Variants in TAFA5 observed in about 807,000 individuals in gnomAD.
The protein encoded by TAFA5 is TAFA chemokine like family member 5.
In TAFA5, 6 loss-of-function variants were observed where a neutral mutation model predicts 15.3. That is an observed-to-expected ratio of 0.39 (90% confidence interval 0.21 to 0.77). The LOEUF (loss-of-function observed/expected upper bound fraction) is 0.77. Ranked by LOEUF, TAFA5 falls within the 30% of genes least tolerant of loss-of-function variation. The pLI, the probability that TAFA5 is intolerant of heterozygous loss-of-function variation, is 0.41. For synonymous variants in TAFA5, 103 were observed against 80.7 expected (o/e 1.28, Z -1.48); for missense variants, 161 against 193.1 (o/e 0.83, Z 0.98).
intron 1 of TAFA5, among the ~76,000 whole-genome samples, chr22:48,531,777 C>T (rs1457678577): frequency 6.6e-6 from 1 of 152,196 alleles, no homozygotes; most frequent in East Asian, 1.9e-4. Context: ...GGACTGCACT[C>T]TCTAATCCTG....
Position 48,612,113 on chromosome 22 carries a change from G to A in TAFA5, c.113-34484G>A, listed in dbSNP as rs551658858. 7.2e-5 allele frequency among the ~76,000 whole-genome samples: 11 copies of A among 152,268 alleles called. No homozygotes were observed. In the South Asian group the frequency reaches 8.3e-4, roughly 11 times the overall value. ...GGTCAGGGCCAGAATTCCAGGGTGC[G>A]TCTATGCAGGTGCAGGAGCCCTGTG... On this transcript the variant is annotated intron_variant, in intron 1 of 3. Transcript: ENST00000402357.
At chr22:48,522,608 C>T (rs1422349523) in intron 1 of TAFA5, among the ~76,000 whole-genome samples, 1 of 152,190 alleles carries the variant, frequency 6.6e-6, no homozygotes, top group Admixed American at 6.5e-5. Flanking sequence ...GAAGCCCTCC[C>T]CAGGCACAGG....
chr22:48,726,887 G>T (rs1035662785), intron 3 of TAFA5, among the ~76,000 whole-genome samples: 1 of 152,158 alleles, frequency 6.6e-6, no homozygotes, highest in Non-Finnish European at 1.5e-5. Context: ...TCCATAGGAC[G>T]GGCTGGGGGC....
intron 1 of TAFA5, among the ~76,000 whole-genome samples, chr22:48,504,358 T>A (rs1601837686): frequency 6.6e-6 from 1 of 152,072 alleles, no homozygotes; most frequent in Non-Finnish European, 1.5e-5. Flanking sequence ...GCCCTCCCCA[T>A]GGGGGCGCTG....
chr22:48,630,741 C>A (rs920656474), intron 1 of TAFA5, among the ~76,000 whole-genome samples: 1 of 152,188 alleles, frequency 6.6e-6, no homozygotes, highest in Non-Finnish European at 1.5e-5. Flanking sequence ...GGCCCTGAAT[C>A]ACGGGGGCGA....
intron 1 of TAFA5, among the ~76,000 whole-genome samples, chr22:48,522,445 G>T (rs1440586752): frequency 6.6e-6 from 1 of 152,106 alleles, no homozygotes; most frequent in African/African-American, 2.4e-5. Context: ...TGTCCTTAGA[G>T]TCTCCCTCCC....
chr22:48,670,656 A>G (rs932687333), intron 2 of TAFA5, among the ~76,000 whole-genome samples: 2 of 152,244 alleles, frequency 1.3e-5, no homozygotes, highest in African/African-American at 4.8e-5. Flanking sequence ...TGCAGCAGAG[A>G]CAGGATTTAG....
chr22:48,552,971 A>G lies in TAFA5; in HGVS notation c.112+63267A>G, dbSNP rs1009216883. ...CTGATCTGAGGGGGGCTCGTCCCCA[A>G]CCACCTGGTCACAGGCAGAGATTGG... On this transcript the variant is annotated intron_variant, in intron 1 of 3. Coordinates refer to ENST00000402357, the MANE Select transcript of TAFA5 (RefSeq NM_001082967.3). The surrounding 1 kb of genome is among the most constrained non-coding windows in gnomAD (Gnocchi z 4.1). Among the ~76,000 whole-genome samples, 1 of 152,130 alleles carries G rather than the reference A, an allele frequency of 6.6e-6. No individual in the cohort carries two copies.
intron 3 of TAFA5, among the ~76,000 whole-genome samples, chr22:48,711,150 C>G (rs975503185): frequency 1.3e-5 from 2 of 152,156 alleles, no homozygotes; most frequent in South Asian, 4.1e-4. Flanking sequence ...GCAGGACACT[C>G]CGTCATCCAG....
chr22:48,739,185 A>G (rs1307501405), intron 3 of TAFA5, among the ~76,000 whole-genome samples: 2 of 152,220 alleles, frequency 1.3e-5, no homozygotes, highest in Non-Finnish European at 2.9e-5. Flanking sequence ...TCAAAGACCC[A>G]AAGATAGCTA....
intron 1 of TAFA5, among the ~76,000 whole-genome samples, chr22:48,582,450 TACC>T (rs1924091698): frequency 1.0e-4 from 5 of 48,448 alleles, no homozygotes; most frequent in Admixed American, 3.8e-4. Context: ...ATACACCACA[TACC>T]ACACACAAAA....
In TAFA5 at chr22:48,598,135, G is replaced by A. The variant is rs1038147695; in HGVS notation, c.113-48462G>A. Reference sequence around the variant, plus strand: ...GGAGACGCAGCGAGAGGTGCAGCTGGCGTCGTGAGGCCTCCGCTGGAGAAT... The same window carrying A: ...GGAGACGCAGCGAGAGGTGCAGCTGACGTCGTGAGGCCTCCGCTGGAGAAT... On this transcript the variant is annotated intron_variant, in intron 1 of 3. Transcript: ENST00000402357. The surrounding 1 kb of genome is among the most constrained non-coding windows in gnomAD (Gnocchi z 4.0). 2.0e-5 allele frequency among the ~76,000 whole-genome samples: 3 copies of A among 152,220 alleles called. No individual in the cohort carries two copies. The highest frequency in any genetic ancestry group is 7.2e-5 in the African/African-American group (3 of 41,448).
At chr22:48,493,051 T>C (rs1469668413) in intron 1 of TAFA5, among the ~76,000 whole-genome samples, 1 of 152,158 alleles carries the variant, frequency 6.6e-6, no homozygotes, top group Admixed American at 6.5e-5. Context: ...CACCCTGGCA[T>C]CTAGGATAGA....
intron 1 of TAFA5, among the ~76,000 whole-genome samples, chr22:48,614,339 T>A (rs1242191710): frequency 1.3e-5 from 2 of 152,222 alleles, no homozygotes; most frequent in Non-Finnish European, 2.9e-5. Context: ...CTTAAAAAAT[T>A]GCTAAATGTT....
chr22:48,605,892 G>A (rs1348809604), intron 1 of TAFA5, among the ~76,000 whole-genome samples: 3 of 152,124 alleles, frequency 2.0e-5, no homozygotes, highest in South Asian at 2.1e-4. Context: ...GGCAGGTTCC[G>A]GGGAGCCCAG....
At chr22:48,520,396 G>A (rs530995836) in intron 1 of TAFA5, among the ~76,000 whole-genome samples, 3 of 152,222 alleles carry the variant, frequency 2.0e-5, no homozygotes, top group Non-Finnish European at 2.9e-5. Context: ...CACCGTGCAC[G>A]GGCTCACCCC....
At chr22:48,645,954 A>G (rs927136112) in intron 1 of TAFA5, among the ~76,000 whole-genome samples, 3 of 150,370 alleles carry the variant, frequency 2.0e-5, no homozygotes, top group Admixed American at 6.7e-5. Context: ...ACGTACATGC[A>G]CATATGTGTG....
intron 1 of TAFA5, among the ~76,000 whole-genome samples, chr22:48,641,613 A>G (rs1926680998): frequency 1.2e-5 from 1 of 80,698 alleles, no homozygotes; most frequent in African/African-American, 4.8e-5. Context: ...CTCCGCTCGC[A>G]CACAACACCC....
chr22:48,618,271 G>A (rs886743122), intron 1 of TAFA5, among the ~76,000 whole-genome samples: 1 of 152,204 alleles, frequency 6.6e-6, no homozygotes, highest in African/African-American at 2.4e-5. Flanking sequence ...CACTGTCCCA[G>A]GCTCTCCTGC....
Sources: allele counts gnomAD v4.1 joint callset (sites outside exome capture counted in the v4.1 genomes callset), GRCh38; gene constraint gnomAD v4.1.1; non-coding constraint Gnocchi (gnomAD v3.1); transcripts MANE v1.5; gene names NCBI Gene and HGNC (gene_info 2026-07-23, HGNC 2026-07-21).